The following FAF2 variants were observed in gnomAD, a reference collection of about 807,000 sequenced individuals.
The protein encoded by FAF2 is FAS-associated factor 2.
In FAF2, 9 loss-of-function variants were observed where a neutral mutation model predicts 62.3. That is an observed-to-expected ratio of 0.14 (90% CI 0.09 to 0.25). FAF2 has a LOEUF of 0.25. Among genes scored for constraint, FAF2 ranks in the 10% least tolerant of loss-of-function variants. FAF2 has a pLI of 1.00. For synonymous variants in FAF2, 202 were observed against 198.0 expected (o/e 1.02, Z -0.17); for missense variants, 368 against 556.2 (o/e 0.66, Z 3.40).
intron 1 of FAF2, among the ~76,000 whole-genome samples, chr5:176,476,971 G>A (rs906560040): frequency 4.0e-5 from 6 of 151,558 alleles, no homozygotes; most frequent in Non-Finnish European, 8.8e-5. Context: ...CACCATGCCC[G>A]GCTAATTTTT....
chr5:176,463,729 T>G (rs953338432), intron 1 of FAF2, among the ~76,000 whole-genome samples: 3 of 151,580 alleles, frequency 2.0e-5, no homozygotes, highest in African/African-American at 7.3e-5. Context: ...TGCATGTTTT[T>G]TTTTTTTTTT....
intron 4 of FAF2, among the ~76,000 whole-genome samples, chr5:176,489,534 TTTTC>T (rs1346758693): frequency 6.6e-6 from 1 of 152,034 alleles, no homozygotes; most frequent in East Asian, 1.9e-4. Context: ...TTTTCTTTCT[TTTTC>T]TTTCTTTTTT....
chr5:176,499,106 C>G, intron 9 of FAF2, 21 bp downstream of exon 9: 1 of 1,547,176 alleles, frequency 6.5e-7, no homozygotes, highest in Non-Finnish European at 8.7e-7. Flanking sequence ...TGTGGCTTTA[C>G]TCCCTGTGGT....
Position 176,470,071 on chromosome 5 carries a change from C to T in FAF2, c.64-9117C>T, listed in dbSNP as rs532368651. ...GAATGGATTTTCCTCAGCATGCATA[C>T]AGTCTAGAATGGAGAAGAAAAGACC... On this transcript the variant is annotated intron_variant, in intron 1 of 10. Coordinates refer to ENST00000261942, the MANE Select transcript of FAF2 (RefSeq NM_014613.3). Among the ~76,000 whole-genome samples the T allele has an allele frequency of 2.6e-5, 4 of 152,288 alleles. No individual in the cohort carries two copies. The South Asian group carries it at 6.2e-4, about 24-fold the overall frequency.
At chr5:176,473,520 G>T (rs1202572646) in intron 1 of FAF2, among the ~76,000 whole-genome samples, 1 of 152,102 alleles carries the variant, frequency 6.6e-6, no homozygotes, top group Admixed American at 6.6e-5. Flanking sequence ...CCCTGTTTCC[G>T]TTCTGTACTC....
At chr5:176,473,974 G>A (rs926349512) in intron 1 of FAF2, among the ~76,000 whole-genome samples, 1 of 152,178 alleles carries the variant, frequency 6.6e-6, no homozygotes, top group Non-Finnish European at 1.5e-5. Flanking sequence ...CCTAGAATCA[G>A]CCACTTCTCC....
At chr5:176,490,921 T>G (rs185978713) in intron 4 of FAF2, among the ~76,000 whole-genome samples, 1 of 152,162 alleles carries the variant, frequency 6.6e-6, no homozygotes, top group Admixed American at 6.6e-5. Context: ...AGTCTTCTGA[T>G]GAATTTCTAA....
chr5:176,499,907 C>T (rs1009431641), intron 9 of FAF2, 96 bp from the exon 10 acceptor site: 5 of 1,427,168 alleles, frequency 3.5e-6, no homozygotes, highest in Non-Finnish European at 3.8e-6. Flanking sequence ...AATACTTAGT[C>T]ATTAATTTTT....
In FAF2 at chr5:176,473,477, G is replaced by A. The variant is rs192220639; in HGVS notation, c.64-5711G>A. 2.8e-4 allele frequency among the ~76,000 whole-genome samples: 43 copies of A among 152,264 alleles called. 1 individual carries two copies. The highest frequency in any genetic ancestry group is 2.2e-3 in the Admixed American group (34 of 15,282). ...GCCTTGATCACCTAGCTGCAGTAGC[G>A]TTGGTCAGGTTTCTCCACTGTTAAT... On this transcript the variant is annotated intron_variant, in intron 1 of 10. Coordinates refer to ENST00000261942, the MANE Select transcript of FAF2 (RefSeq NM_014613.3).
At chr5:176,468,135 A>C (rs1758504715) in intron 1 of FAF2, among the ~76,000 whole-genome samples, 2 of 152,340 alleles carry the variant, frequency 1.3e-5, no homozygotes, top group South Asian at 4.1e-4. Context: ...ACTACACTCC[A>C]GCCTGGACGA....
At chr5:176,449,537 T>C (rs1451340101) in intron 1 of FAF2, among the ~76,000 whole-genome samples, 1 of 151,650 alleles carries the variant, frequency 6.6e-6, no homozygotes, top group Non-Finnish European at 1.5e-5. Context: ...ATCGTGCCAC[T>C]GCACTCCAGC....
intron 1 of FAF2, among the ~76,000 whole-genome samples, chr5:176,466,930 T>C (rs1758478570): frequency 6.6e-6 from 1 of 151,082 alleles, no homozygotes; most frequent in African/African-American, 2.5e-5. Flanking sequence ...AATGCCTTTC[T>C]CCCACTGATA....
chr5:176,449,448 G>A (rs1260445044), intron 1 of FAF2, among the ~76,000 whole-genome samples: 1 of 152,110 alleles, frequency 6.6e-6, no homozygotes, highest in Non-Finnish European at 1.5e-5. Context: ...GGTGGTGCAC[G>A]CCTGTGGTCC....
In FAF2 at chr5:176,509,074, A is replaced by T. The variant is rs1470098896; in HGVS notation, c.*2124A>T. On this transcript the variant is annotated 3_prime_UTR_variant, in exon 11 of 11. Coordinates refer to ENST00000261942, the MANE Select transcript of FAF2 (RefSeq NM_014613.3). ...GAAGTCAGCTGCCAGAATATTAAGA[A>T]GGGTCTCCCTTTATGTCAGTACAAC... 3.3e-5 allele frequency: 5 copies of T among 152,220 alleles called. No individual in the cohort carries two copies. Among genetic ancestry groups the T allele is most frequent in the African/African-American group, 4.8e-5 (2 of 41,442 alleles). The allele number at this position is 152,220 out of a possible 1,614,324, so 9.4% of individuals were successfully genotyped here. A position where few individuals can be genotyped will look rare whatever the true frequency, so the allele number is the denominator to read the frequency against.
intron 10 of FAF2, among the ~76,000 whole-genome samples, chr5:176,501,528 C>T (rs1196212146): frequency 1.3e-5 from 2 of 152,114 alleles, no homozygotes; most frequent in African/African-American, 2.4e-5. Context: ...TTAAACTGAA[C>T]ATAGGTATGT....
intron 5 of FAF2, 36 bp downstream of exon 5, chr5:176,492,368 G>T: frequency 6.3e-7 from 1 of 1,585,028 alleles, no homozygotes; most frequent in East Asian, 2.3e-5. Flanking sequence ...CCAACTTACC[G>T]AAATGATTCT....
At chr5:176,481,400 G>T (rs1387354881) in intron 2 of FAF2, among the ~76,000 whole-genome samples, 2 of 152,186 alleles carry the variant, frequency 1.3e-5, no homozygotes, top group Admixed American at 1.3e-4. Context: ...GCTCACGCCT[G>T]TAATCCCAGC....
intron 1 of FAF2, among the ~76,000 whole-genome samples, chr5:176,462,969 A>G (rs549698812): frequency 9.2e-5 from 14 of 152,282 alleles, no homozygotes; most frequent in African/African-American, 3.4e-4. Flanking sequence ...TTCTCTTGAA[A>G]CAACGTTTCT....
At chr5:176,451,813 CACATATATATATATACAT>C (rs1758178364) in intron 1 of FAF2, among the ~76,000 whole-genome samples, 4 of 42,676 alleles carry the variant, frequency 9.4e-5, no homozygotes, top group African/African-American at 2.9e-4. Context: ...TATATATACA[CACATATATATATATACAT>C]ATATATATAT....
Sources: gnomAD v4.1 joint callset for allele counts (sites outside exome capture counted in the v4.1 genomes callset) on GRCh38, gnomAD v4.1.1 for gene constraint, MANE v1.5 for transcripts, NCBI Gene and HGNC (gene_info 2026-07-23, HGNC 2026-07-21) for gene names.